Variants in SRRM4 observed in about 807,000 individuals in gnomAD.
SRRM4 encodes the protein serine/arginine repetitive matrix protein 4.
A neutral mutation model predicts 68.9 loss-of-function variants in SRRM4; 33 were observed. The observed-to-expected ratio is 0.48, with a 90% CI of 0.36 to 0.64. The LOEUF (loss-of-function observed/expected upper bound fraction) is 0.64. Ranked by LOEUF, SRRM4 falls within the 30% of genes least tolerant of loss-of-function variation. SRRM4 has a pLI of 0.00. For synonymous variants in SRRM4, 318 were observed against 318.8 expected (o/e 1.00, Z 0.03); for missense variants, 817 against 827.1 (o/e 0.99, Z 0.15).
intron 1 of SRRM4, among the ~76,000 whole-genome samples, chr12:119,021,894 G>T (rs1001016223): frequency 6.6e-6 from 1 of 152,110 alleles, no homozygotes; most frequent in Non-Finnish European, 1.5e-5. Context: ...AAACATACAT[G>T]TGCATGTAAC....
chr12:118,985,018 G>T (rs1953273283), intron 1 of SRRM4, among the ~76,000 whole-genome samples: 1 of 152,218 alleles, frequency 6.6e-6, no homozygotes, highest in African/African-American at 2.4e-5. Context: ...TATGTGTGGT[G>T]CATGGTGTTG....
At chr12:119,121,666 C>T (rs928065313) in intron 5 of SRRM4, among the ~76,000 whole-genome samples, 8 of 152,204 alleles carry the variant, frequency 5.3e-5, no homozygotes, top group African/African-American at 1.9e-4. Flanking sequence ...TGAGGTTCAG[C>T]TTAGAATGAG....
At chr12:119,004,295 C>A (rs904899442) in intron 1 of SRRM4, among the ~76,000 whole-genome samples, 5 of 152,000 alleles carry the variant, frequency 3.3e-5, no homozygotes, top group African/African-American at 9.7e-5. Context: ...AGGGTCACAA[C>A]CATTCTGCTC....
At chr12:119,085,116 G>C (rs904869416) in intron 1 of SRRM4, among the ~76,000 whole-genome samples, 1 of 152,148 alleles carries the variant, frequency 6.6e-6, no homozygotes, top group African/African-American at 2.4e-5. Context: ...GGCCAGGCTG[G>C]TCTCAAACTC....
At position 119,116,798 on chromosome 12, in the gene SRRM4, G is replaced by T. The variant is rs142750885; in HGVS notation, c.366-139G>T. 2.1e-4 allele frequency: 125 copies of T among 598,444 alleles called. 2 individuals are homozygous for T. Among genetic ancestry groups the T allele is most frequent in the African/African-American group, 1.9e-3 (101 of 54,102 alleles). The allele number at this position is 598,444 out of a possible 1,614,324, so 37.1% of individuals were successfully genotyped here. On this transcript the variant is annotated intron_variant, in intron 3 of 12. Transcript: ENST00000267260. ...AAAAATTGCTTACAAATGCAAGCTA[G>T]TATCAGCATGGATATTATCTTTGAT...
intron 1 of SRRM4, among the ~76,000 whole-genome samples, chr12:119,053,695 G>A (rs754348341): frequency 2.6e-5 from 4 of 151,990 alleles, no homozygotes; most frequent in Non-Finnish European, 5.9e-5. Flanking sequence ...ATCTCTAAGG[G>A]TCCCACGTTT....
chr12:119,084,025 A>C (rs993680301), intron 1 of SRRM4, among the ~76,000 whole-genome samples: 2 of 152,152 alleles, frequency 1.3e-5, no homozygotes, highest in Non-Finnish European at 2.9e-5. Flanking sequence ...GCATCACCTC[A>C]TTGAATCCTC....
intron 1 of SRRM4, among the ~76,000 whole-genome samples, chr12:119,025,399 G>A (rs557992658): frequency 1.3e-5 from 2 of 151,864 alleles, no homozygotes; most frequent in African/African-American, 4.8e-5. Context: ...TTAGATGTGG[G>A]TGTCAAGATA....
chr12:119,020,325 C>G (rs770632997), intron 1 of SRRM4, among the ~76,000 whole-genome samples: 1 of 151,982 alleles, frequency 6.6e-6, no homozygotes, highest in South Asian at 2.1e-4. Flanking sequence ...ATACACAGAC[C>G]CTCTCACCTG....
At chr12:118,995,045 T>C (rs1953340135) in intron 1 of SRRM4, among the ~76,000 whole-genome samples, 1 of 152,246 alleles carries the variant, frequency 6.6e-6, no homozygotes, top group African/African-American at 2.4e-5. Context: ...TTCACTTCTC[T>C]GCCTCAGTGA....
Position 119,162,647 on chromosome 12 carries a change from A to AT in SRRM4, c.*5858dup, listed in dbSNP as rs1055733872. On this transcript the variant is annotated 3_prime_UTR_variant, in exon 13 of 13. Transcript: ENST00000267260. ...CTATAAGAACTTCTCTCTGCACTGT[A>AT]TTTTTTTTTCTCCCAATTCTTAGCT... 6 of 151,206 alleles carry AT rather than the reference A, an allele frequency of 4.0e-5. No individual in the cohort carries two copies. The highest frequency in any genetic ancestry group is 1.3e-4 in the Admixed American group (2 of 15,172). The allele number at this position is 151,206 out of a possible 1,614,324, so 9.4% of individuals were successfully genotyped here.
At chr12:119,132,580 C>T (rs1405284298) in intron 8 of SRRM4, among the ~76,000 whole-genome samples, 1 of 152,214 alleles carries the variant, frequency 6.6e-6, no homozygotes. Context: ...TTACAAAAAG[C>T]TGGGTCTGTC....
At chr12:119,011,567 A>G (rs1953449828) in intron 1 of SRRM4, among the ~76,000 whole-genome samples, 1 of 152,232 alleles carries the variant, frequency 6.6e-6, no homozygotes, top group South Asian at 2.1e-4. Context: ...TGAAATGCTG[A>G]AAACCTCAGG....
At chr12:119,152,838 C>A (rs1476003206) in intron 10 of SRRM4, among the ~76,000 whole-genome samples, 2 of 152,162 alleles carry the variant, frequency 1.3e-5, no homozygotes, top group Non-Finnish European at 2.9e-5. Flanking sequence ...GCAAAGAAGA[C>A]TAGGAGGAGC....
intron 9 of SRRM4, among the ~76,000 whole-genome samples, chr12:119,146,103 G>C (rs1175677132): frequency 6.6e-6 from 1 of 152,150 alleles, no homozygotes; most frequent in African/African-American, 2.4e-5. Context: ...CCCAGCTTAG[G>C]TCATCTGCCC....
chr12:119,071,562 T>C (rs540072035), intron 1 of SRRM4, among the ~76,000 whole-genome samples: 102 of 152,218 alleles, frequency 6.7e-4, no homozygotes, highest in Non-Finnish European at 1.2e-3. Context: ...ACCAATACCA[T>C]GAGTTTGCAC....
chr12:119,002,373 T>C (rs1953390308), intron 1 of SRRM4, among the ~76,000 whole-genome samples: 1 of 152,300 alleles, frequency 6.6e-6, no homozygotes, highest in South Asian at 2.1e-4. Flanking sequence ...GGGCTTATCA[T>C]AGTGCTAGGC....
Position 119,156,624 on chromosome 12 carries a change from T to TCGGAGCCGGAGC in SRRM4, c.1668_1679dup (p.Ser556_Arg559dup). ...GCCGCAGCTACTCCCGGAGCCGGAG[T>TCGGAGCCGGAGC]CGGAGCCGGAGCCGGAGACGGAGCC... On this transcript the variant is annotated inframe_insertion, in exon 13 of 13. Coordinates refer to ENST00000267260, the MANE Select transcript of SRRM4 (RefSeq NM_194286.4). 6.2e-7 allele frequency: 1 copy of TCGGAGCCGGAGC among 1,603,096 alleles called. No homozygotes were observed. The highest frequency in any genetic ancestry group is 8.5e-7 in the Non-Finnish European group (1 of 1,176,788).
intron 2 of SRRM4, 125 bp from the exon 3 acceptor site, chr12:119,114,153 A>G: frequency 1.5e-6 from 1 of 676,610 alleles, no homozygotes; most frequent in Non-Finnish European, 2.6e-6. Context: ...ATGAGGTGGT[A>G]ATGAGGCACT....
Sources: allele counts gnomAD v4.1 joint callset (sites outside exome capture counted in the v4.1 genomes callset), GRCh38; gene constraint gnomAD v4.1.1; transcripts MANE v1.5; gene names NCBI Gene and HGNC (gene_info 2026-07-23, HGNC 2026-07-21).